LRIG3: variants seen among roughly 807,000 people sequenced by gnomAD.
The protein encoded by LRIG3 is leucine-rich repeats and immunoglobulin-like domains protein 3.
A neutral mutation model predicts 114.5 loss-of-function variants in LRIG3; 76 were observed. The ratio of observed to expected loss-of-function variants is 0.66; its 90% confidence interval spans 0.55 to 0.80. The LOEUF (loss-of-function observed/expected upper bound fraction) is 0.80. LRIG3 is among the 30% of genes least tolerant of loss of function. The pLI is 0.00. For missense variants in LRIG3, 1,239 were observed against 1,382.8 expected, an observed-to-expected ratio of 0.90 and a Z score of 1.65; for synonymous variants, 512 against 519.8, an observed-to-expected ratio of 0.98 and a Z score of 0.20.
At chr12:58,890,393 A>G (rs944827924) in intron 4 of LRIG3, among the ~76,000 whole-genome samples, 3 of 152,228 alleles carry the variant, frequency 2.0e-5, no homozygotes, top group Non-Finnish European at 4.4e-5. Flanking sequence ...TTAATAAAAC[A>G]TAGCAATGGT....
intron 14 of LRIG3, 28 bp from the exon 15 acceptor site, chr12:58,877,880 T>A: frequency 6.4e-7 from 1 of 1,570,178 alleles, no homozygotes; most frequent in African/African-American, 1.4e-5. Flanking sequence ...GCTTTTAATT[T>A]CCCAAATAAA....
intron 5 of LRIG3, 62 bp downstream of exon 5, chr12:58,889,934 G>C: frequency 6.4e-7 from 1 of 1,559,386 alleles, no homozygotes; most frequent in South Asian, 1.2e-5. Context: ...TAGATTTTAA[G>C]GAAAAGACAC....
At position 58,920,267 on chromosome 12, in the gene LRIG3, G is replaced by T; in HGVS notation, c.-32C>A. On this transcript the variant is annotated 5_prime_UTR_variant, in exon 1 of 19. Coordinates refer to ENST00000320743, the MANE Select transcript of LRIG3 (RefSeq NM_153377.5). ...CCAGCGGCCTAGGTCTCTACCCGAA[G>T]CTCCCAGCCGGCGCGCGCTCGGGGC... The T allele has an allele frequency of 7.6e-7, 1 of 1,307,954 alleles. No homozygotes were observed. The highest frequency in any genetic ancestry group is 9.7e-7 in the Non-Finnish European group (1 of 1,031,624). The allele number at this position is 1,307,954 out of a possible 1,614,324, so 81.0% of individuals were successfully genotyped here. A position where few individuals can be genotyped will look rare whatever the true frequency, so the allele number is the denominator to read the frequency against.
At chr12:58,892,860 G>A (rs1871502430) in intron 3 of LRIG3, among the ~76,000 whole-genome samples, 1 of 152,160 alleles carries the variant, frequency 6.6e-6, no homozygotes, top group Non-Finnish European at 1.5e-5. Context: ...AATCCCTTAA[G>A]GCTTCTTTCA....
At chr12:58,890,221 C>A in intron 4 of LRIG3, 82 bp from the exon 5 acceptor site, 2 of 1,406,988 alleles carry the variant, frequency 1.4e-6, no homozygotes, top group South Asian at 1.4e-5. Flanking sequence ...TAGAAGGAGT[C>A]TCCAGAGAAC....
At position 58,888,320 on chromosome 12, in the gene LRIG3, G is replaced by A. The variant is rs1280011948; in HGVS notation, c.947+9C>T. The A allele has an allele frequency of 6.2e-7, 1 of 1,610,112 alleles. No homozygotes were observed. The highest frequency in any genetic ancestry group is 1.1e-5 in the South Asian group (1 of 90,888). ...CAAACCTGAGGAGAATAAATAAAAG[G>A]CAACTCACAGCTCACTGAGCTTCTG... On this transcript the variant is annotated intron_variant, in intron 7 of 18. Transcript: ENST00000320743.
chr12:58,891,865 AAT>A (rs1219616414), intron 3 of LRIG3, among the ~76,000 whole-genome samples: 2 of 152,178 alleles, frequency 1.3e-5, no homozygotes, highest in African/African-American at 2.4e-5. Flanking sequence ...AATTTAAATT[AAT>A]TCAAATTAAA....
In LRIG3 at chr12:58,888,837, A is replaced by G. The variant is rs774865420; in HGVS notation, c.785T>C (p.Leu262Pro). 6.8e-6 allele frequency: 11 copies of G among 1,613,750 alleles called. No individual in the cohort carries two copies. In the East Asian group the frequency reaches 2.0e-4, roughly 29 times the overall value. The change falls in exon 6 of 19, where the codon CTG (leucine) becomes CCG (proline). Residue 262 changes from leucine (L) to proline (P), a missense_variant. Coordinates refer to ENST00000320743, the MANE Select transcript of LRIG3 (RefSeq NM_153377.5). ...TKLMDGAFWG[L>P]SNMEILQLDH... ...CACTTACAAAATTTCCATGTTGCTC[A>G]GCCCCCAAAAAGCTCCATCCATAAG...
chr12:58,901,725 A>G (rs75116616), intron 3 of LRIG3, among the ~76,000 whole-genome samples: 1,850 of 152,334 alleles, frequency 0.012, 31 homozygotes, highest in East Asian at 0.087. Flanking sequence ...ATTATGCAGA[A>G]AAGAGAACTG....
chr12:58,896,982 C>T (rs1180832842), intron 3 of LRIG3, among the ~76,000 whole-genome samples: 2 of 152,208 alleles, frequency 1.3e-5, no homozygotes, highest in Non-Finnish European at 2.9e-5. Flanking sequence ...ATAACCCCCA[C>T]TCCCTCCGAA....
intron 3 of LRIG3, among the ~76,000 whole-genome samples, chr12:58,894,705 G>A (rs891158455): frequency 2.6e-5 from 4 of 152,148 alleles, no homozygotes; most frequent in Admixed American, 1.3e-4. Context: ...AATGTGCAAC[G>A]CTTGAACAAA....
intron 5 of LRIG3, 110 bp downstream of exon 5, chr12:58,889,886 G>T: frequency 7.5e-7 from 1 of 1,341,400 alleles, no homozygotes; most frequent in Non-Finnish European, 1.0e-6. Context: ...AGGAAAGGCA[G>T]CTACATCCTT....
intron 3 of LRIG3, among the ~76,000 whole-genome samples, chr12:58,896,147 T>C (rs1871635268): frequency 1.3e-5 from 2 of 152,232 alleles, no homozygotes; most frequent in African/African-American, 4.8e-5. Flanking sequence ...AAGTGCATTA[T>C]TCTCACATAT....
At chr12:58,873,464 A>G (rs1870803462) in intron 18 of LRIG3, 1 of 154,130 alleles carries the variant, frequency 6.5e-6, no homozygotes, top group South Asian at 2.0e-4. Flanking sequence ...TGTTCAGTGA[A>G]AAGATGACCT....
At chr12:58,880,381 G>A (rs758643785) in intron 13 of LRIG3, 200 bp downstream of exon 13, 29 of 701,634 alleles carry the variant, frequency 4.1e-5, no homozygotes, top group South Asian at 1.7e-4. Flanking sequence ...CACTGAGTAC[G>A]GTGTCGTCTT....
At chr12:58,878,356 T>C (rs1027850492) in intron 14 of LRIG3, among the ~76,000 whole-genome samples, 1 of 152,208 alleles carries the variant, frequency 6.6e-6, no homozygotes, top group Admixed American at 6.5e-5. Context: ...GAATAATAAT[T>C]GTGTTTACAT....
At position 58,885,844 on chromosome 12, in the gene LRIG3, C is replaced by A; in HGVS notation, c.1231G>T (p.Ala411Ser). 1 of 1,584,344 alleles carries A rather than the reference C, an allele frequency of 6.3e-7. No homozygotes were observed. Among genetic ancestry groups the A allele is most frequent in the Non-Finnish European group, 8.6e-7 (1 of 1,161,214 alleles). ...CTAGCTACTCACAGATGCTCCAATG[C>A]ATCCAAACCAGTGAAGGCTTTTTTA... Reference protein sequence around the residue: ...ITKKAFTGLDALEHLDLSDNA... With the variant: ...ITKKAFTGLDSLEHLDLSDNA... The change falls in exon 10 of 19, where the codon GCA (alanine) becomes TCA (serine). Residue 411 changes from alanine to serine, a missense_variant. Coordinates refer to ENST00000320743, the MANE Select transcript of LRIG3 (RefSeq NM_153377.5).
intron 3 of LRIG3, among the ~76,000 whole-genome samples, chr12:58,898,576 G>C (rs1871726345): frequency 1.3e-5 from 2 of 152,108 alleles, no homozygotes; most frequent in Admixed American, 6.5e-5. Context: ...AAGAAACCAT[G>C]TGTAAAAGCT....
chr12:58,893,794 G>A (rs1435448881), intron 3 of LRIG3, among the ~76,000 whole-genome samples: 1 of 152,152 alleles, frequency 6.6e-6, no homozygotes, highest in South Asian at 2.1e-4. Flanking sequence ...TGAAGTGCCC[G>A]AGTGCCCCTC....
Sources: gnomAD v4.1 joint callset for allele counts (sites outside exome capture counted in the v4.1 genomes callset) on GRCh38, gnomAD v4.1.1 for gene constraint, MANE v1.5 for transcripts, NCBI Gene and HGNC (gene_info 2026-07-23, HGNC 2026-07-21) for gene names.